The following SLC36A1 variants were observed in gnomAD, a reference collection of about 807,000 sequenced individuals.
The protein encoded by SLC36A1 is solute carrier family 36 member 1.
In SLC36A1, 30 loss-of-function variants were observed where a neutral mutation model predicts 47.5. The ratio of observed to expected loss-of-function variants is 0.63; its 90% confidence interval spans 0.47 to 0.86. SLC36A1 has a LOEUF of 0.86. SLC36A1 is among the 40% of genes least tolerant of loss of function. The pLI is 0.00. For synonymous variants in SLC36A1, 255 were observed against 249.7 expected (o/e 1.02, Z -0.20); for missense variants, 517 against 606.0 (o/e 0.85, Z 1.54).
At chr5:151,510,420 G>T in the SLC36A1 span, 1 of 430,684 alleles carries the variant, frequency 2.3e-6, no homozygotes, top group African/African-American at 2.0e-5. Context: ...TAATAAACAG[G>T]ATAACAACCA....
the SLC36A1 span, chr5:151,509,966 A>G: frequency 1.9e-6 from 3 of 1,595,434 alleles, no homozygotes; most frequent in Admixed American, 3.4e-5. Flanking sequence ...AGGTCAGAGT[A>G]CAGAGCGCAT....
intron 7 of SLC36A1, among the ~76,000 whole-genome samples, chr5:151,468,812 A>G (rs902244735): frequency 6.6e-6 from 1 of 152,152 alleles, no homozygotes; most frequent in Non-Finnish European, 1.5e-5. Flanking sequence ...TAAAATAAAA[A>G]ATAATTTTTC....
chr5:151,430,158 T>A, the SLC36A1 span, among the ~76,000 whole-genome samples: 2 of 146,064 alleles, frequency 1.4e-5, no homozygotes, highest in African/African-American at 5.0e-5. Context: ...TAGAATTAGC[T>A]AAACTTTTTT....
chr5:151,497,780 G>C, the SLC36A1 span, among the ~76,000 whole-genome samples: 2 of 152,094 alleles, frequency 1.3e-5, no homozygotes, highest in South Asian at 4.1e-4. Flanking sequence ...CTAGATGTCA[G>C]TTGCACCCTG....
intron 1 of SLC36A1, among the ~76,000 whole-genome samples, chr5:151,457,387 T>C (rs1401703004): frequency 6.6e-6 from 1 of 152,104 alleles, no homozygotes; most frequent in East Asian, 1.9e-4. Context: ...TGTGTCCTTA[T>C]TGTGTATCTT....
the SLC36A1 span, among the ~76,000 whole-genome samples, chr5:151,420,447 G>A: frequency 6.6e-6 from 1 of 152,262 alleles, no homozygotes; most frequent in South Asian, 2.1e-4. Context: ...ATTTTCCTAT[G>A]ACACGCTGCT....
At chr5:151,535,244 T>A in the SLC36A1 span, among the ~76,000 whole-genome samples, 3 of 152,020 alleles carry the variant, frequency 2.0e-5, no homozygotes, top group Non-Finnish European at 4.4e-5. Context: ...TCTTTTGTTA[T>A]AATGTTGGGT....
the SLC36A1 span, chr5:151,543,943 C>T: frequency 6.2e-7 from 1 of 1,614,116 alleles, no homozygotes; most frequent in Non-Finnish European, 8.5e-7. Flanking sequence ...AACCAGGTGT[C>T]CACAGGTTGC....
At chr5:151,412,165 TGTAAG>T in the SLC36A1 span, among the ~76,000 whole-genome samples, 4 of 144,938 alleles carry the variant, frequency 2.8e-5, 1 homozygote, top group Non-Finnish European at 3.0e-5. Context: ...TAACTAAATC[TGTAAG>T]GTAAGACAAT....
At chr5:151,370,584 A>T in the SLC36A1 span, among the ~76,000 whole-genome samples, 1 of 152,246 alleles carries the variant, frequency 6.6e-6, no homozygotes, top group Non-Finnish European at 1.5e-5. Context: ...ATTGTTTGTA[A>T]CAGCAGAATA....
At chr5:151,472,565 A>AT in intron 7 of SLC36A1, among the ~76,000 whole-genome samples, 1 of 151,994 alleles carries the variant, frequency 6.6e-6, no homozygotes, top group Non-Finnish European at 1.5e-5. Context: ...TTTCTGGCCC[A>AT]TTTTTTAAAG....
the SLC36A1 span, chr5:151,537,840 G>A: frequency 1.2e-6 from 2 of 1,614,168 alleles, no homozygotes. Context: ...GCCATGCAGA[G>A]AATATGTGAT....
downstream of SLC36A1, among the ~76,000 whole-genome samples, chr5:151,497,236 G>T (rs141897587): frequency 6.6e-6 from 1 of 152,254 alleles, no homozygotes; most frequent in African/African-American, 2.4e-5. Context: ...TAAGTATGAT[G>T]TAAGTAGTAT....
upstream of SLC36A1, among the ~76,000 whole-genome samples, chr5:151,433,136 T>C (rs150387637): frequency 0.011 from 1,589 of 145,782 alleles, 27 homozygotes; most frequent in African/African-American, 0.038. Context: ...AATAAAATAC[T>C]CATTATAATT....
the SLC36A1 span, among the ~76,000 whole-genome samples, chr5:151,413,239 T>TC: frequency 6.6e-6 from 1 of 152,018 alleles, no homozygotes. Context: ...CTTTTTTTTT[T>TC]TTCCAAATAT....
chr5:151,420,567 C>A, the SLC36A1 span, among the ~76,000 whole-genome samples: 140 of 152,262 alleles, frequency 9.2e-4, 1 homozygote, highest in African/African-American at 3.3e-3. Context: ...AGCTCATAAT[C>A]CTAAGAGTGC....
At chr5:151,390,416 T>C in the SLC36A1 span, among the ~76,000 whole-genome samples, 6 of 152,230 alleles carry the variant, frequency 3.9e-5, no homozygotes, top group Admixed American at 2.6e-4. Flanking sequence ...TTTAATCAGA[T>C]CCCATTTGTC....
At chr5:151,474,405 G>A (rs748730226) in intron 8 of SLC36A1, among the ~76,000 whole-genome samples, 16 of 152,112 alleles carry the variant, frequency 1.1e-4, no homozygotes, top group Non-Finnish European at 1.6e-4. Flanking sequence ...GTAAGTCCTG[G>A]CTCTGCCATA....
chr5:151,444,026 A>G (rs1752781377), upstream of SLC36A1, among the ~76,000 whole-genome samples: 1 of 152,152 alleles, frequency 6.6e-6, no homozygotes, highest in Admixed American at 6.5e-5. Context: ...TTGGTCTATC[A>G]TATCTGTTTT....
Sources: allele counts gnomAD v4.1 joint callset (sites outside exome capture counted in the v4.1 genomes callset), GRCh38; gene constraint gnomAD v4.1.1; transcripts MANE v1.5; gene names NCBI Gene and HGNC (gene_info 2026-07-23, HGNC 2026-07-21).